Variants in KCNMB2 observed in about 807,000 individuals in gnomAD.
KCNMB2 encodes calcium-activated potassium channel subunit beta-2.
In KCNMB2, 9 loss-of-function variants were observed where a neutral mutation model predicts 24.5. The ratio of observed to expected loss-of-function variants is 0.37; its 90% CI spans 0.22 to 0.64. The LOEUF is 0.64. Among genes scored for constraint, KCNMB2 ranks in the 30% least tolerant of loss-of-function variants. The pLI is 0.63. For missense variants in KCNMB2, 226 were observed against 284.3 expected (o/e 0.79, Z 1.47); for synonymous variants, 109 against 104.4 (o/e 1.04, Z -0.27).
chr3:178,822,315 C>T (rs974033797), intron 2 of KCNMB2, among the ~76,000 whole-genome samples: 5 of 152,182 alleles, frequency 3.3e-5, no homozygotes, highest in Admixed American at 6.5e-5. Context: ...GGTGTTTCTC[C>T]TTCAGGAACC....
chr3:178,590,747 T>C (rs1203583434), intron 1 of KCNMB2, among the ~76,000 whole-genome samples: 1 of 152,180 alleles, frequency 6.6e-6, no homozygotes, highest in African/African-American at 2.4e-5. Context: ...CTATTCAAAC[T>C]AAGAGTACAT....
intron 1 of KCNMB2, among the ~76,000 whole-genome samples, chr3:178,796,006 C>T (rs1713528695): frequency 6.6e-6 from 1 of 152,126 alleles, no homozygotes; most frequent in Non-Finnish European, 1.5e-5. Context: ...GGACAGCGCT[C>T]TGGAAATGTC....
At chr3:178,709,828 G>A (rs1722392307) in intron 1 of KCNMB2, among the ~76,000 whole-genome samples, 2 of 152,098 alleles carry the variant, frequency 1.3e-5, no homozygotes, top group South Asian at 4.1e-4. Context: ...GCCATTCTAT[G>A]TACATCTTGT....
chr3:178,781,001 G>C (rs1447080899), intron 1 of KCNMB2, among the ~76,000 whole-genome samples: 2 of 152,150 alleles, frequency 1.3e-5, no homozygotes, highest in Non-Finnish European at 2.9e-5. Flanking sequence ...ACTGCAAAGT[G>C]CTATAAGTAT....
intron 1 of KCNMB2, among the ~76,000 whole-genome samples, chr3:178,707,761 T>C (rs1283882120): frequency 6.6e-6 from 1 of 152,150 alleles, no homozygotes; most frequent in Non-Finnish European, 1.5e-5. Context: ...CCTGAGTTCC[T>C]ACCTAAGCAA....
At chr3:178,701,459 T>C (rs529406494) in intron 1 of KCNMB2, among the ~76,000 whole-genome samples, 101 of 152,344 alleles carry the variant, frequency 6.6e-4, no homozygotes, top group African/African-American at 2.2e-3. Context: ...TGGTTTCATA[T>C]GAACTTTAAA....
intron 2 of KCNMB2, among the ~76,000 whole-genome samples, chr3:178,815,496 G>A (rs926965797): frequency 4.6e-5 from 7 of 152,012 alleles, no homozygotes; most frequent in East Asian, 1.9e-4. Context: ...TGGTGAATAC[G>A]CTTTTATTTC....
At chr3:178,565,281 A>G (rs1398149161) in intron 1 of KCNMB2, among the ~76,000 whole-genome samples, 2 of 152,116 alleles carry the variant, frequency 1.3e-5, no homozygotes, top group African/African-American at 4.8e-5. Context: ...AAAAAGATGG[A>G]AAGGAATAAT....
chr3:178,759,716 GGATATATATACACATATATATATCCAAGA>G (rs1711649047), intron 1 of KCNMB2, among the ~76,000 whole-genome samples: 1 of 90,068 alleles, frequency 1.1e-5, no homozygotes, highest in Admixed American at 1.3e-4. Context: ...ATATCCAAGA[GGATATATATACACATATATATATCCAAGA>G]GGATATATCT....
chr3:178,563,075 G>C (rs1014156736), intron 1 of KCNMB2, among the ~76,000 whole-genome samples: 7 of 152,220 alleles, frequency 4.6e-5, no homozygotes, highest in African/African-American at 4.8e-5. Context: ...ACTCACAACT[G>C]TGCAGCATGT....
At chr3:178,766,104 C>T (rs1469965967) in intron 1 of KCNMB2, among the ~76,000 whole-genome samples, 1 of 152,126 alleles carries the variant, frequency 6.6e-6, no homozygotes, top group Non-Finnish European at 1.5e-5. Flanking sequence ...AAAAGACCCA[C>T]CTCAAATCCC....
rs1395922815 is a variant in KCNMB2, at chr3:178,760,220, C to A, written c.-67-47123C>A. Among the ~76,000 whole-genome samples the A allele has an allele frequency of 8.6e-4, 12 of 13,976 alleles. 2 individuals carry two copies. The highest frequency in any genetic ancestry group is 4.1e-3 in the Admixed American group (4 of 980). The allele number at this position is 13,976 out of a possible 152,430, so 9.2% of individuals were successfully genotyped here. A position where few individuals can be genotyped will look rare whatever the true frequency, so the allele number is the denominator to read the frequency against. On this transcript the variant is annotated intron_variant, in intron 1 of 4. Transcript: ENST00000452583. Reference sequence around the variant, plus strand: ...TATATATATATCCAAGAGGATATATCTATATATAGATATATCCAAGAGGAT... The same window carrying A: ...TATATATATATCCAAGAGGATATATATATATATAGATATATCCAAGAGGAT...
At chr3:178,824,544 T>TC (rs1491180300) in intron 2 of KCNMB2, 1 of 77,272 alleles carries the variant, frequency 1.3e-5, no homozygotes, top group African/African-American at 1.0e-4. Context: ...ATTTTTTGTA[T>TC]TTTTTTTTTT....
chr3:178,764,469 A>G (rs1033101150), intron 1 of KCNMB2, among the ~76,000 whole-genome samples: 7 of 152,236 alleles, frequency 4.6e-5, no homozygotes, highest in African/African-American at 1.7e-4. Flanking sequence ...GTAAAGTAAC[A>G]AACTTCAGAT....
At chr3:178,815,338 C>A (rs1028807153) in intron 2 of KCNMB2, among the ~76,000 whole-genome samples, 2 of 151,860 alleles carry the variant, frequency 1.3e-5, no homozygotes, top group Admixed American at 1.3e-4. Flanking sequence ...TTGCTGTGGT[C>A]TTGAACTCCT....
intron 1 of KCNMB2, among the ~76,000 whole-genome samples, chr3:178,661,310 C>T (rs7432814): frequency 0.45 from 68,045 of 151,964 alleles, 15,293 homozygotes; most frequent in Middle Eastern, 0.56. Flanking sequence ...CTGCAAAGGA[C>T]ATGAACTCTT....
At chr3:178,566,493 G>A (rs923663653) in intron 1 of KCNMB2, among the ~76,000 whole-genome samples, 8 of 152,012 alleles carry the variant, frequency 5.3e-5, no homozygotes, top group African/African-American at 1.9e-4. Flanking sequence ...AAACTCATAT[G>A]GACTATAACA....
intron 1 of KCNMB2, among the ~76,000 whole-genome samples, chr3:178,681,693 G>A (rs554647348): frequency 1.3e-5 from 2 of 152,216 alleles, no homozygotes; most frequent in South Asian, 4.1e-4. Context: ...CTGTCATATC[G>A]ACTACCTGAA....
In KCNMB2 at chr3:178,797,372, CA is replaced by C. The variant is rs1337044161; in HGVS notation, c.-67-9968del. Among the ~76,000 whole-genome samples, 8 of 152,216 alleles carry C rather than the reference CA, an allele frequency of 5.3e-5. No individual in the cohort carries two copies. The East Asian group carries it at 1.5e-3, about 29-fold the overall frequency. Reference sequence around the variant, plus strand: ...AAAATAGAGCAGTAGGGAACACTTCCAAACTCTGTCTATGAGACCATTATTA... The same window carrying C: ...AAAATAGAGCAGTAGGGAACACTTCCAACTCTGTCTATGAGACCATTATTA... On this transcript the variant is annotated intron_variant, in intron 1 of 4. Transcript: ENST00000452583.
Sources: allele counts gnomAD v4.1 joint callset (sites outside exome capture counted in the v4.1 genomes callset), GRCh38; gene constraint gnomAD v4.1.1; transcripts MANE v1.5; gene names NCBI Gene and HGNC (gene_info 2026-07-23, HGNC 2026-07-21).